The following DRC8 variants were observed in gnomAD, a reference collection of about 807,000 sequenced individuals.
DRC8 encodes dynein regulatory complex protein 8.
chr1:245,109,725 A>G, the DRC8 span, among the ~76,000 whole-genome samples: 15 of 152,238 alleles, frequency 9.9e-5, no homozygotes, highest in African/African-American at 3.6e-4. Flanking sequence ...CGGAGAGGTT[A>G]TCTCAATGCC....
the DRC8 span, among the ~76,000 whole-genome samples, chr1:245,079,066 G>A: frequency 0.53 from 80,859 of 151,950 alleles, 22,376 homozygotes; most frequent in East Asian, 0.68. Context: ...AAATCCAAAG[G>A]TTATTCAAAT....
the DRC8 span, among the ~76,000 whole-genome samples, chr1:245,079,539 G>A: frequency 3.3e-5 from 5 of 152,170 alleles, no homozygotes; most frequent in African/African-American, 4.8e-5. Context: ...GATATGAGGC[G>A]TATATTATGT....
the DRC8 span, among the ~76,000 whole-genome samples, chr1:245,121,671 G>C: frequency 7.2e-5 from 11 of 152,160 alleles, no homozygotes; most frequent in Non-Finnish European, 4.4e-5. Flanking sequence ...TAAAGTGTAT[G>C]TGCTGCGTGG....
the DRC8 span, among the ~76,000 whole-genome samples, chr1:245,028,669 T>C: frequency 3.3e-5 from 5 of 152,136 alleles, no homozygotes; most frequent in African/African-American, 1.2e-4. Flanking sequence ...TTACAGAATA[T>C]GAAGGAGCAA....
At chr1:245,050,378 G>A in the DRC8 span, among the ~76,000 whole-genome samples, 1 of 152,100 alleles carries the variant, frequency 6.6e-6, no homozygotes, top group African/African-American at 2.4e-5. Flanking sequence ...GGGATAACAG[G>A]CGTGACCCAC....
the DRC8 span, chr1:245,091,619 A>G: frequency 6.6e-6 from 1 of 152,212 alleles, no homozygotes; most frequent in East Asian, 1.9e-4. Context: ...GTCTCAAGGC[A>G]ATCCTCTCTG....
the DRC8 span, among the ~76,000 whole-genome samples, chr1:245,050,501 C>T: frequency 6.6e-5 from 10 of 152,160 alleles, 1 homozygote; most frequent in Non-Finnish European, 1.0e-4. Context: ...ATTAACTCTA[C>T]GTGATCCCTG....
chr1:245,095,042 T>C, the DRC8 span, among the ~76,000 whole-genome samples: 1 of 152,158 alleles, frequency 6.6e-6, no homozygotes, highest in Non-Finnish European at 1.5e-5. Context: ...TACTGGAGAC[T>C]GGGGCACCAG....
the DRC8 span, chr1:244,970,456 A>T: frequency 6.6e-7 from 1 of 1,524,388 alleles, no homozygotes; most frequent in Non-Finnish European, 8.7e-7. Context: ...AAGGTAGGGG[A>T]GCCGGGGAGC....
the DRC8 span, among the ~76,000 whole-genome samples, chr1:245,119,948 A>G: frequency 1.4e-3 from 1 of 722 alleles, no homozygotes. Context: ...AAAATAAAAA[A>G]TAAGTAAATA....
the DRC8 span, among the ~76,000 whole-genome samples, chr1:245,025,323 C>T: frequency 6.6e-6 from 1 of 152,208 alleles, no homozygotes; most frequent in Non-Finnish European, 1.5e-5. Flanking sequence ...AAGTACACCA[C>T]AAGTCCGTAG....
the DRC8 span, among the ~76,000 whole-genome samples, chr1:244,999,960 A>C: frequency 6.6e-6 from 1 of 152,164 alleles, no homozygotes; most frequent in Admixed American, 6.5e-5. Context: ...CTGGGACTAC[A>C]GGCATGTGCC....
chr1:244,995,133 C>G, the DRC8 span, among the ~76,000 whole-genome samples: 1 of 152,044 alleles, frequency 6.6e-6, no homozygotes, highest in African/African-American at 2.4e-5. Context: ...GAGGCCAAGG[C>G]GGGCAGATCA....
At chr1:245,017,482 A>G in the DRC8 span, among the ~76,000 whole-genome samples, 1 of 152,110 alleles carries the variant, frequency 6.6e-6, no homozygotes, top group Admixed American at 6.6e-5. Flanking sequence ...TTTGCTAGCT[A>G]TTGCTTTGAT....
At chr1:244,975,196 C>T in the DRC8 span, among the ~76,000 whole-genome samples, 1 of 152,180 alleles carries the variant, frequency 6.6e-6, no homozygotes, top group South Asian at 2.1e-4. Flanking sequence ...TCCCAAAGTG[C>T]TGGGATTACA....
chr1:245,117,214 G>T, the DRC8 span, among the ~76,000 whole-genome samples: 3 of 151,780 alleles, frequency 2.0e-5, no homozygotes, highest in Non-Finnish European at 4.4e-5. Flanking sequence ...CACCACACCC[G>T]GCTAATTTCT....
chr1:245,000,940 G>A, the DRC8 span, among the ~76,000 whole-genome samples: 6 of 152,102 alleles, frequency 3.9e-5, no homozygotes, highest in Admixed American at 3.9e-4. Flanking sequence ...GCTTATGTCA[G>A]TGGAGGCTTG....
the DRC8 span, among the ~76,000 whole-genome samples, chr1:245,079,629 C>G: frequency 2.0e-4 from 30 of 152,240 alleles, 1 homozygote; most frequent in Admixed American, 1.9e-3. Flanking sequence ...CGGTTCGTAG[C>G]TTGATCAGGG....
the DRC8 span, among the ~76,000 whole-genome samples, chr1:245,099,495 G>A: frequency 7.2e-5 from 11 of 152,098 alleles, no homozygotes; most frequent in African/African-American, 1.4e-4. Context: ...GCCCTGCCCC[G>A]ACACCAGGCC....
Sources: allele counts gnomAD v4.1 joint callset (sites outside exome capture counted in the v4.1 genomes callset), GRCh38; gene constraint gnomAD v4.1.1; transcripts MANE v1.5; gene names NCBI Gene and HGNC (gene_info 2026-07-23, HGNC 2026-07-21).